ATP2B2: variants seen among roughly 807,000 people sequenced by gnomAD.
ATP2B2 encodes plasma membrane calcium-transporting ATPase 2.
A neutral mutation model predicts 120.0 loss-of-function variants in ATP2B2; 15 were observed. The ratio of observed to expected loss-of-function variants is 0.12; its 90% confidence interval spans 0.08 to 0.19. The LOEUF (loss-of-function observed/expected upper bound fraction) is 0.19. ATP2B2 is among the 10% of genes least tolerant of loss of function. ATP2B2 has a pLI of 1.00. For missense variants in ATP2B2, 1,045 were observed against 1,719.8 expected, an observed-to-expected ratio of 0.61 and a Z score of 6.94; for synonymous variants, 694 against 700.3, an observed-to-expected ratio of 0.99 and a Z score of 0.14.
At chr3:10,514,166 T>G (rs1432316176) in intron 3 of ATP2B2, among the ~76,000 whole-genome samples, 1 of 152,080 alleles carries the variant, frequency 6.6e-6, no homozygotes. Context: ...TAAGTGCAGT[T>G]GGGATTTGGA....
At chr3:10,457,934 G>A (rs1162643536) in intron 1 of ATP2B2, among the ~76,000 whole-genome samples, 1 of 152,092 alleles carries the variant, frequency 6.6e-6, no homozygotes, top group Non-Finnish European at 1.5e-5. Context: ...CTCACGCCTG[G>A]CCTGAGGAAG....
intron 3 of ATP2B2, among the ~76,000 whole-genome samples, chr3:10,407,571 C>A (rs530763068): frequency 6.6e-6 from 1 of 152,294 alleles, no homozygotes; most frequent in Admixed American, 6.5e-5. Context: ...ACTCCTGGAT[C>A]TTTAGACCTG....
At chr3:10,546,190 C>T (rs900590480) in intron 2 of ATP2B2, among the ~76,000 whole-genome samples, 7 of 152,326 alleles carry the variant, frequency 4.6e-5, no homozygotes, top group Admixed American at 2.6e-4. Context: ...GCCAGTCTCT[C>T]TTCCACACCC....
intron 1 of ATP2B2, among the ~76,000 whole-genome samples, chr3:10,634,639 G>A (rs944981273): frequency 6.6e-6 from 1 of 152,218 alleles, no homozygotes; most frequent in African/African-American, 2.4e-5. Flanking sequence ...CCAGTCATAG[G>A]CTTTGAGGGC....
intron 1 of ATP2B2, among the ~76,000 whole-genome samples, chr3:10,676,784 G>A (rs1341602547): frequency 6.6e-6 from 1 of 152,224 alleles, no homozygotes; most frequent in Non-Finnish European, 1.5e-5. Flanking sequence ...GTTAAAGAAT[G>A]AAACTACACC....
At position 10,627,450 on chromosome 3, in the gene ATP2B2, A is replaced by G. The variant is rs975118917; in HGVS notation, c.-459-7489T>C. On this transcript the variant is annotated intron_variant, in intron 1 of 21. Coordinates refer to the ATP2B2 transcript ENST00000646379. The stretch of plus-strand genomic sequence containing the variant: ...ACAAACAAAGATGGGAGGACAGGGC[A>G]GGGGCAGGAGGGAGAGGCTCCTGGG... 7.2e-5 allele frequency among the ~76,000 whole-genome samples: 11 copies of G among 152,182 alleles called. 1 individual carries two copies. Among genetic ancestry groups the G allele is most frequent in the Admixed American group, 4.6e-4 (7 of 15,282 alleles).
intron 2 of ATP2B2, among the ~76,000 whole-genome samples, chr3:10,619,373 C>T (rs1040715468): frequency 1.3e-5 from 2 of 152,152 alleles, no homozygotes; most frequent in Non-Finnish European, 2.9e-5. Flanking sequence ...TCCAGGCTTC[C>T]CCTTCTCAAG....
In ATP2B2 at chr3:10,378,659, C is replaced by T. The variant is rs555456570; in HGVS notation, c.1043-249G>A. 6.4e-4 allele frequency among the ~76,000 whole-genome samples: 97 copies of T among 152,324 alleles called. 1 individual carries two copies. Among genetic ancestry groups the T allele is most frequent in the African/African-American group, 2.3e-3 (95 of 41,572 alleles). ...ATCTGGGACACAGCAGGGACTGATG[C>T]TGTTACCCTGGATCCCCCTCTCGGC... On this transcript the variant is annotated intron_variant, in intron 9 of 22. Coordinates refer to ENST00000360273, the MANE Select transcript of ATP2B2 (RefSeq NM_001001331.4).
At chr3:10,412,182 C>T (rs1289837404) in intron 2 of ATP2B2, among the ~76,000 whole-genome samples, 1 of 152,250 alleles carries the variant, frequency 6.6e-6, no homozygotes, top group Non-Finnish European at 1.5e-5. Context: ...TGGCACTGGC[C>T]ACTGTTTGCC....
intron 2 of ATP2B2, among the ~76,000 whole-genome samples, chr3:10,579,850 A>G (rs139152836): frequency 2.9e-5 from 2 of 69,596 alleles, no homozygotes; most frequent in East Asian, 2.2e-3. Flanking sequence ...CAAAACAAAG[A>G]AACAGACCCA....
intron 1 of ATP2B2, among the ~76,000 whole-genome samples, chr3:10,647,460 G>A (rs2070350303): frequency 6.6e-6 from 1 of 152,222 alleles, no homozygotes; most frequent in Non-Finnish European, 1.5e-5. Context: ...AAGAAGCCAA[G>A]GCACAGATTT....
At chr3:10,447,010 C>T (rs1206346454) in intron 2 of ATP2B2, among the ~76,000 whole-genome samples, 1 of 152,200 alleles carries the variant, frequency 6.6e-6, no homozygotes, top group Non-Finnish European at 1.5e-5. Flanking sequence ...CTTCTCTTTC[C>T]TCCATAGCCA....
chr3:10,490,348 T>A (rs1318099), intron 1 of ATP2B2, among the ~76,000 whole-genome samples: 4,548 of 151,042 alleles, frequency 0.03, 91 homozygotes, highest in Middle Eastern at 0.1. Context: ...GATATTGTAA[T>A]CAAATAAGTC....
At chr3:10,521,675 T>A (rs959215994) in intron 3 of ATP2B2, among the ~76,000 whole-genome samples, 5 of 152,210 alleles carry the variant, frequency 3.3e-5, no homozygotes, top group African/African-American at 1.2e-4. Flanking sequence ...GGTGCTTGTA[T>A]TGTGATATCT....
In ATP2B2 at chr3:10,340,753, C is replaced by A; in HGVS notation, c.2918-49G>T. The A allele has an allele frequency of 6.3e-7, 1 of 1,598,694 alleles. No individual in the cohort carries two copies. Among genetic ancestry groups the A allele is most frequent in the Non-Finnish European group, 8.6e-7 (1 of 1,166,566 alleles). ...GGGCTGAAGGCAGTGGTGGGGGAAT[C>A]AGAGGGGAGATGCCTGGCCTTTCGT... On this transcript the variant is annotated intron_variant, in intron 19 of 22. Coordinates refer to ENST00000360273, the MANE Select transcript of ATP2B2 (RefSeq NM_001001331.4). This position sits in a 1 kb window ranked among gnomAD's most constrained non-coding sequence, Gnocchi z 5.0.
chr3:10,466,745 A>C (rs954199992), intron 1 of ATP2B2, among the ~76,000 whole-genome samples: 1 of 152,224 alleles, frequency 6.6e-6, no homozygotes, highest in African/African-American at 2.4e-5. Context: ...ACAAAATGGA[A>C]TTATATGAGT....
At chr3:10,680,323 C>CCA (rs1559518328) in intron 1 of ATP2B2, among the ~76,000 whole-genome samples, 7 of 151,908 alleles carry the variant, frequency 4.6e-5, no homozygotes. Flanking sequence ...TCTGAGGGTT[C>CCA]TGGAGGCCCA....
At chr3:10,348,056 C>T (rs929431345) in intron 16 of ATP2B2, among the ~76,000 whole-genome samples, 1 of 152,076 alleles carries the variant, frequency 6.6e-6, no homozygotes, top group East Asian at 1.9e-4. Flanking sequence ...CACCATCACT[C>T]GGGCAGCTCT....
At chr3:10,530,667 GT>G (rs1177701857) in intron 3 of ATP2B2, among the ~76,000 whole-genome samples, 1 of 152,170 alleles carries the variant, frequency 6.6e-6, no homozygotes, top group African/African-American at 2.4e-5. Context: ...AGGATAAGCT[GT>G]TTAAGAATCC....
Sources: allele counts gnomAD v4.1 joint callset (sites outside exome capture counted in the v4.1 genomes callset), GRCh38; gene constraint gnomAD v4.1.1; non-coding constraint Gnocchi (gnomAD v3.1); transcripts MANE v1.5; gene names NCBI Gene and HGNC (gene_info 2026-07-23, HGNC 2026-07-21).